NPIPB2: variants seen among roughly 807,000 people sequenced by gnomAD.
NPIPB2 encodes the protein nuclear pore complex-interacting protein family member B2.
A neutral mutation model predicts 30.8 loss-of-function variants in NPIPB2; 27 were observed. The observed-to-expected ratio is 0.88, with a 90% confidence interval of 0.65 to 1.21. NPIPB2 has a LOEUF of 1.21. Among genes scored for constraint, NPIPB2 ranks in the 50% most tolerant of loss-of-function variants. The pLI is 0.00. For missense variants in NPIPB2, 440 were observed against 446.2 expected (o/e 0.99, Z 0.13); for synonymous variants, 147 against 162.0 (o/e 0.91, Z 0.70).
At chr16:11,937,179 C>A (rs3895656) in intron 2 of NPIPB2, among the ~76,000 whole-genome samples, 1 of 152,116 alleles carries the variant, frequency 6.6e-6, no homozygotes, top group Admixed American at 6.6e-5. Context: ...TCTTCAGAGA[C>A]GAGACTGGAA....
intron 4 of NPIPB2, among the ~76,000 whole-genome samples, chr16:11,932,185 T>G: frequency 6.6e-6 from 1 of 151,888 alleles, no homozygotes; most frequent in East Asian, 1.9e-4. Context: ...AGAAGTAGAC[T>G]CCCATCTCTT....
chr16:11,969,015 T>C (rs1405541120), intron 1 of NPIPB2, among the ~76,000 whole-genome samples: 2 of 151,232 alleles, frequency 1.3e-5, no homozygotes, highest in East Asian at 3.9e-4. Context: ...TACAGGCACG[T>C]GGCACCATGC....
chr16:11,974,924 A>C (rs2055261086), intron 1 of NPIPB2, among the ~76,000 whole-genome samples: 1 of 151,378 alleles, frequency 6.6e-6, no homozygotes, highest in South Asian at 2.1e-4. Flanking sequence ...AAATACAAAA[A>C]ATTAGCCGGG....
chr16:11,938,738 T>A (rs1258814327), intron 1 of NPIPB2, among the ~76,000 whole-genome samples: 1 of 152,116 alleles, frequency 6.6e-6, no homozygotes, highest in Admixed American at 6.5e-5. Flanking sequence ...AAGCTAAGTA[T>A]AAAGTAATTA....
intron 2 of NPIPB2, 63 bp from the exon 3 acceptor site, chr16:11,933,987 C>A: frequency 1.5e-6 from 2 of 1,335,434 alleles, no homozygotes; most frequent in Admixed American, 1.8e-5. Context: ...AATCCCAGTA[C>A]TTTGGGAGGC....
At chr16:11,952,579 T>G (rs1347206657) in intron 1 of NPIPB2, among the ~76,000 whole-genome samples, 1 of 150,434 alleles carries the variant, frequency 6.6e-6, no homozygotes, top group Non-Finnish European at 1.5e-5. Context: ...TTTTTTTTTT[T>G]TTTGAGACAG....
At chr16:11,956,206 C>T (rs1395046680) in intron 1 of NPIPB2, 1 of 152,242 alleles carries the variant, frequency 6.6e-6, no homozygotes, top group Non-Finnish European at 1.5e-5. Flanking sequence ...AGGTCACCAA[C>T]ACTCAGGCAG....
intron 4 of NPIPB2, among the ~76,000 whole-genome samples, chr16:11,933,295 A>C (rs920449507): frequency 1.4e-4 from 21 of 152,064 alleles, no homozygotes; most frequent in Admixed American, 1.1e-3. Context: ...AACCAATGCC[A>C]GTACTAGCAA....
chr16:11,942,066 C>T (rs2054949967), upstream of NPIPB2: 6 of 1,444,204 alleles, frequency 4.2e-6, no homozygotes, highest in East Asian at 2.5e-5. Context: ...CGGAAGGTCC[C>T]GATAGTAAAC....
chr16:11,947,952 G>C (rs1310947672), intron 1 of NPIPB2, among the ~76,000 whole-genome samples: 2 of 149,410 alleles, frequency 1.3e-5, no homozygotes, highest in Non-Finnish European at 1.5e-5. Context: ...GAAGGTGAAA[G>C]CGGATACTAG....
chr16:11,943,492 A>C (rs2054966418), upstream of NPIPB2, among the ~76,000 whole-genome samples: 1 of 151,794 alleles, frequency 6.6e-6, no homozygotes, highest in African/African-American at 2.4e-5. Flanking sequence ...TCACGAGGTT[A>C]GGAGTTCGAG....
intron 1 of NPIPB2, chr16:11,968,016 G>T: frequency 1.4e-6 from 1 of 734,810 alleles, no homozygotes; most frequent in Non-Finnish European, 2.1e-6. Context: ...ACTGTTGGGA[G>T]CTTAATGGTA....
intron 4 of NPIPB2, among the ~76,000 whole-genome samples, chr16:11,931,974 G>A (rs78200656): frequency 0.049 from 7,445 of 150,666 alleles, 382 homozygotes; most frequent in African/African-American, 0.14. Flanking sequence ...GCACACATGC[G>A]TGGGATTAGA....
intron 1 of NPIPB2, among the ~76,000 whole-genome samples, chr16:11,953,866 G>C (rs565705394): frequency 6.6e-6 from 1 of 151,398 alleles, no homozygotes; most frequent in Non-Finnish European, 1.5e-5. Flanking sequence ...AGTAGAGACG[G>C]GATTTCACCA....
In NPIPB2 at chr16:11,975,848, C is replaced by T. The variant is rs574137963; in HGVS notation, c.-584+720G>A. Among the ~76,000 whole-genome samples the T allele has an allele frequency of 7.9e-5, 12 of 152,026 alleles. No individual in the cohort carries two copies. The South Asian group carries it at 2.5e-3, about 32-fold the overall frequency. ...TCAGGTGATTCACCCACCTTGGCCT[C>T]CCAATCATGCCTTGGGATTACAGGC... On this transcript the variant is annotated intron_variant, in intron 1 of 5. Coordinates refer to the NPIPB2 transcript ENST00000538896.
chr16:11,942,070 A>G (rs1205879055), upstream of NPIPB2: 6 of 1,469,006 alleles, frequency 4.1e-6, no homozygotes, highest in Admixed American at 2.0e-5. Flanking sequence ...AGGTCCCGAT[A>G]GTAAACCATC....
chr16:11,969,584 C>T (rs929835371), intron 1 of NPIPB2, among the ~76,000 whole-genome samples: 1 of 152,158 alleles, frequency 6.6e-6, no homozygotes, highest in Non-Finnish European at 1.5e-5. Context: ...GGAAAGCTAA[C>T]TTATGTACTT....
chr16:11,951,212 T>C (rs76466426), intron 1 of NPIPB2, among the ~76,000 whole-genome samples: 17,452 of 151,722 alleles, frequency 0.12, 1,319 homozygotes, highest in South Asian at 0.2. Flanking sequence ...ATCCCAGCAC[T>C]TTGAGAGGCC....
In NPIPB2 at chr16:11,927,416, C is replaced by A. The variant is rs970968012; in HGVS notation, c.1151G>T (p.Arg384Leu). The A allele has an allele frequency of 1.6e-5, 18 of 1,091,676 alleles. No homozygotes were observed. In the African/African-American group the frequency reaches 2.5e-4, roughly 15 times the overall value. The allele number at this position is 1,091,676 out of a possible 1,614,324, so 67.6% of individuals were successfully genotyped here. ...GCCTGTTCTCAGCTTACTCAACCTC[C>A]GCCTCTTGGGCTCGGGTGATGATGG... Residue 384 changes from arginine (R) to leucine (L), a missense_variant, in exon 8 of 8, where the codon CGG becomes CTG. Arg to Leu is a moderately radical substitution (Grantham distance 102). This residue lies in a region of NPIPB2 where 140 missense variants were observed against 116.8 expected (regional missense o/e 1.20). Transcript: ENST00000399147.
Sources: allele counts gnomAD v4.1 joint callset (sites outside exome capture counted in the v4.1 genomes callset), GRCh38; gene constraint gnomAD v4.1.1; regional missense constraint gnomAD v4.1.1; transcripts MANE v1.5; gene names NCBI Gene and HGNC (gene_info 2026-07-23, HGNC 2026-07-21).